Variants in CCDC117 observed in about 807,000 individuals in gnomAD.
CCDC117 encodes coiled-coil domain-containing protein 117.
Under a neutral mutation model 23.5 loss-of-function variants are expected in CCDC117, and 1 was observed. That is an observed-to-expected ratio of 0.04 (90% CI 0.02 to 0.20). The LOEUF (loss-of-function observed/expected upper bound fraction) is 0.20, where lower values mean the gene tolerates loss of function less well. Among genes scored for constraint, CCDC117 ranks in the 10% least tolerant of loss-of-function variants. The probability of loss-of-function intolerance (pLI) is 1.00; values close to 1 mark genes in which losing one functional copy is unlikely to be tolerated. For missense variants in CCDC117, 383 were observed against 348.2 expected, an observed-to-expected ratio of 1.10 and a Z score of -0.80; for synonymous variants, 132 against 124.8, an observed-to-expected ratio of 1.06 and a Z score of -0.39.
chr22:28,785,633 A>G (rs1243745985), intron 4 of CCDC117, among the ~76,000 whole-genome samples: 2 of 152,226 alleles, frequency 1.3e-5, no homozygotes, highest in African/African-American at 4.8e-5. Flanking sequence ...AAAAATTTCC[A>G]ACAATCAAGG....
rs2031528857 is a variant in CCDC117, at chr22:28,786,890, A to G, written c.*564A>G. 1 of 152,766 alleles carries G rather than the reference A, an allele frequency of 6.5e-6. No individual in the cohort carries two copies. Among genetic ancestry groups the G allele is most frequent in the African/African-American group, 2.4e-5 (1 of 41,452 alleles). 9.5% of individuals were successfully genotyped at this position (152,766 alleles called of 1,614,324 possible). ...AATTCAATATAGCTCTGTTGATTAAATAGCCGATAGTATTGTGGCTCTCCT... is the reference window on the plus strand; with the variant it reads ...AATTCAATATAGCTCTGTTGATTAAGTAGCCGATAGTATTGTGGCTCTCCT... On this transcript the variant is annotated 3_prime_UTR_variant, in exon 5 of 5. Coordinates refer to ENST00000249064, the MANE Select transcript of CCDC117 (RefSeq NM_173510.4).
intron 4 of CCDC117, among the ~76,000 whole-genome samples, chr22:28,785,207 G>C (rs1360405536): frequency 7.2e-6 from 1 of 138,066 alleles, no homozygotes; most frequent in East Asian, 2.4e-4. Context: ...TTTGTGTTTT[G>C]AGACAGGGTC....
chr22:28,787,883 T>A lies in CCDC117; in HGVS notation c.*1557T>A, dbSNP rs1047693081. 6.6e-6 allele frequency: 1 copy of A among 152,504 alleles called. No homozygotes were observed. The highest frequency in any genetic ancestry group is 2.4e-5 in the African/African-American group (1 of 41,424). The allele number at this position is 152,504 out of a possible 1,614,324, so 9.4% of individuals were successfully genotyped here. A position where few individuals can be genotyped will look rare whatever the true frequency, so the allele number is the denominator to read the frequency against. On this transcript the variant is annotated 3_prime_UTR_variant, in exon 5 of 5. Coordinates refer to ENST00000249064, the MANE Select transcript of CCDC117 (RefSeq NM_173510.4). Reference sequence around the variant, plus strand: ...ATCAGATACCTTTTGTAGAAAAAAATGGCTTATGCCACGTAAAGGTGAATT... The same window carrying A: ...ATCAGATACCTTTTGTAGAAAAAAAAGGCTTATGCCACGTAAAGGTGAATT...
intron 2 of CCDC117, among the ~76,000 whole-genome samples, chr22:28,780,705 C>A (rs546269612): frequency 1.3e-5 from 2 of 152,188 alleles, no homozygotes; most frequent in African/African-American, 4.8e-5. Flanking sequence ...ACATTGAACA[C>A]TTACTGTCTG....
At chr22:28,778,752 T>A (rs550298462) in intron 2 of CCDC117, among the ~76,000 whole-genome samples, 1 of 152,234 alleles carries the variant, frequency 6.6e-6, no homozygotes, top group East Asian at 1.9e-4. Context: ...AATGGAGAAG[T>A]TGAGGCCTTG....
At position 28,772,858 on chromosome 22, in the gene CCDC117, G is replaced by A; in HGVS notation, c.9G>A (p.Ala3=). MA[A]LGRPFSGLPL... The stretch of plus-strand genomic sequence containing the variant: ...TCCTCGTCTCGCCGGCTATGGCTGC[G>A]CTCGGCCGGCCCTTCAGCGGCCTCC... Residue 3 remains alanine (A), a synonymous_variant, in exon 1 of 5, where the codon GCG becomes GCA. Coordinates refer to ENST00000249064, the MANE Select transcript of CCDC117 (RefSeq NM_173510.4). 1 of 1,231,214 alleles carries A rather than the reference G, an allele frequency of 8.1e-7. No individual in the cohort carries two copies. Among genetic ancestry groups the A allele is most frequent in the East Asian group, 3.2e-5 (1 of 31,024 alleles). The allele number at this position is 1,231,214 out of a possible 1,614,324, so 76.3% of individuals were successfully genotyped here. A position where few individuals can be genotyped will look rare whatever the true frequency, so the allele number is the denominator to read the frequency against.
intron 2 of CCDC117, among the ~76,000 whole-genome samples, chr22:28,777,248 A>G (rs1326778661): frequency 6.7e-6 from 1 of 149,344 alleles, no homozygotes; most frequent in South Asian, 2.1e-4. Context: ...GATGGTCTCA[A>G]TCTCCTGACC....
At chr22:28,778,962 T>A (rs890757477) in intron 2 of CCDC117, among the ~76,000 whole-genome samples, 1 of 152,106 alleles carries the variant, frequency 6.6e-6, no homozygotes, top group African/African-American at 2.4e-5. Flanking sequence ...GTGGAATTAT[T>A]AGATGTGTGG....
In CCDC117 at chr22:28,772,792, C is replaced by T; in HGVS notation, c.-58C>T. The T allele has an allele frequency of 8.3e-7, 1 of 1,205,892 alleles. No individual in the cohort carries two copies. The highest frequency in any genetic ancestry group is 1.0e-6 in the Non-Finnish European group (1 of 968,658). 74.7% of individuals were successfully genotyped at this position (1,205,892 alleles called of 1,614,324 possible). ...TGGCAGTAGCTGTGGCTGCGGCTGC[C>T]GGGCCTGGGGACGCGGGCGGCCGAG... On this transcript the variant is annotated 5_prime_UTR_variant, in exon 1 of 5. Transcript: ENST00000249064.
chr22:28,781,330 G>GTTTTTTTTTTTGTT (rs1404977996), intron 3 of CCDC117, among the ~76,000 whole-genome samples, 158 bp downstream of exon 3: 1 of 37,628 alleles, frequency 2.7e-5, no homozygotes, highest in Non-Finnish European at 4.5e-5. Flanking sequence ...TTGTTTTTTT[G>GTTTTTTTTTTTGTT]TTTTGTTTTT....
rs1280042721 is a variant in CCDC117 at position 28,773,048 on chromosome 22, C to CGGGCGCAGGGCGCA, written c.185+20_185+33dup. ...GGCGCGCGGACGGTGAGGAGCCCGT[C>CGGGCGCAGGGCGCA]GGGCGCAGGGCGCAGGGCGGGCGGG... On this transcript the variant is annotated intron_variant, in intron 1 of 4. Transcript: ENST00000249064. 11 of 662,788 alleles carry CGGGCGCAGGGCGCA rather than the reference C, an allele frequency of 1.7e-5. No homozygotes were observed. Among genetic ancestry groups the CGGGCGCAGGGCGCA allele is most frequent in the East Asian group, 5.1e-5 (1 of 19,498 alleles). 41.1% of individuals were successfully genotyped at this position (662,788 alleles called of 1,614,324 possible).
chr22:28,782,011 C>T, intron 3 of CCDC117, among the ~76,000 whole-genome samples: 1 of 146,644 alleles, frequency 6.8e-6, no homozygotes. Flanking sequence ...TGCAGTGGCT[C>T]ACTGCAGTCT....
intron 2 of CCDC117, among the ~76,000 whole-genome samples, chr22:28,778,915 G>T (rs151312125): frequency 6.6e-6 from 1 of 152,088 alleles, no homozygotes; most frequent in Non-Finnish European, 1.5e-5. Flanking sequence ...AGGTCAGAGC[G>T]CAGAACCCAG....
In CCDC117 at chr22:28,785,897, TGGA is replaced by T. The variant is rs2031495196; in HGVS notation, c.603-191_603-189del. On this transcript the variant is annotated intron_variant, in intron 4 of 4. Coordinates refer to ENST00000249064, the MANE Select transcript of CCDC117 (RefSeq NM_173510.4). ...ATGACTGTACCACTGTACTCCACTG[TGGA>T]CAACACAGCAAGACCCCATCTCTTA... Among the ~76,000 whole-genome samples, 7 of 146,902 alleles carry T rather than the reference TGGA, an allele frequency of 4.8e-5. No homozygotes were observed. The Admixed American group carries it at 4.9e-4, about 10-fold the overall frequency.
At chr22:28,776,587 A>ATTTTTTTT (rs113520265) in intron 2 of CCDC117, among the ~76,000 whole-genome samples, 3 of 144,636 alleles carry the variant, frequency 2.1e-5, no homozygotes, top group African/African-American at 7.6e-5. Flanking sequence ...TGCCCAGCTA[A>ATTTTTTTT]TTTTTTTTTT....
chr22:28,773,145 A>ACT (rs143105426), intron 1 of CCDC117, 111 bp downstream of exon 1: 41,967 of 341,064 alleles, frequency 0.12, 3,877 homozygotes, highest in African/African-American at 0.24. Flanking sequence ...GGGCTTTTTG[A>ACT]CTCCCTCCCC....
intron 3 of CCDC117, among the ~76,000 whole-genome samples, chr22:28,781,381 C>T (rs550441206): frequency 1.8e-4 from 7 of 39,758 alleles, no homozygotes; most frequent in Non-Finnish European, 2.2e-4. Context: ...GACGGAGTCT[C>T]GCTCTGTCGC....
chr22:28,782,994 A>T (rs967954774), intron 3 of CCDC117, among the ~76,000 whole-genome samples: 1 of 151,964 alleles, frequency 6.6e-6, no homozygotes, highest in Non-Finnish European at 1.5e-5. Flanking sequence ...AGATTTGATT[A>T]TATGTAAAAC....
chr22:28,780,937 CT>C lies in CCDC117; in HGVS notation c.240-4del, dbSNP rs1199695254. On this transcript the variant is annotated splice_polypyrimidine_tract_variant and intron_variant, in intron 2 of 4. Transcript: ENST00000249064. ...TTGGGATTTTCATTGAATTTTTTTT[CT>C]TTTTTTCAGTTGTCCAGTAAGAAAG... The C allele has an allele frequency of 3.9e-5, 62 of 1,577,398 alleles. No individual in the cohort carries two copies. The highest frequency in any genetic ancestry group is 5.4e-5 in the Non-Finnish European group (62 of 1,157,452).
Sources: gnomAD v4.1 joint callset for allele counts (sites outside exome capture counted in the v4.1 genomes callset) on GRCh38, gnomAD v4.1.1 for gene constraint, MANE v1.5 for transcripts, NCBI Gene and HGNC (gene_info 2026-07-23, HGNC 2026-07-21) for gene names.